Variants in FRMD4A observed in about 807,000 individuals in gnomAD.
FRMD4A encodes FERM domain containing 4A.
FRMD4A carries 29 observed loss-of-function variants against 129.1 expected under a neutral mutation model. That is an observed-to-expected ratio of 0.22 (90% CI 0.17 to 0.31). FRMD4A has a LOEUF of 0.31. FRMD4A is among the 10% of genes least tolerant of loss of function. The pLI, the probability that FRMD4A is intolerant of heterozygous loss-of-function variation, is 1.00. For missense variants in FRMD4A, 1,272 were observed against 1,375.8 expected (o/e 0.92, Z 1.19); for synonymous variants, 634 against 571.6 (o/e 1.11, Z -1.56).
intron 2 of FRMD4A, among the ~76,000 whole-genome samples, chr10:14,275,451 T>A (rs1845305049): frequency 6.6e-6 from 1 of 152,208 alleles, no homozygotes; most frequent in East Asian, 1.9e-4. Flanking sequence ...TGTGTTTCCA[T>A]AAGCACCCAC....
At chr10:13,703,231 C>T (rs1440649451) in intron 13 of FRMD4A, among the ~76,000 whole-genome samples, 1 of 152,108 alleles carries the variant, frequency 6.6e-6, no homozygotes, top group Admixed American at 6.5e-5. Flanking sequence ...CGGGTAGTTC[C>T]CCGGAGCATC....
chr10:13,823,248 C>T lies in FRMD4A; in HGVS notation c.112-12340G>A, dbSNP rs78276356. On this transcript the variant is annotated intron_variant, in intron 3 of 24. Transcript: ENST00000357447. ...GGGAGCCTGCTCTATTCATGATCCC[C>T]GGGGGACTCTGGGAGGCGGGCAGGT... 2.9e-3 allele frequency among the ~76,000 whole-genome samples: 442 copies of T among 152,236 alleles called. 1 individual carries two copies. The highest frequency in any genetic ancestry group is 0.01 in the African/African-American group (421 of 41,550).
chr10:14,027,275 A>T (rs1181094827), intron 2 of FRMD4A, among the ~76,000 whole-genome samples: 2 of 152,176 alleles, frequency 1.3e-5, no homozygotes, highest in East Asian at 1.9e-4. Flanking sequence ...GCCAAGAGAG[A>T]GTTGAGTCTC....
chr10:14,191,102 C>T (rs899799419), intron 2 of FRMD4A, among the ~76,000 whole-genome samples: 6 of 152,126 alleles, frequency 3.9e-5, no homozygotes, highest in African/African-American at 1.4e-4. Context: ...TATATGTTAA[C>T]CTGCACACTC....
At position 13,869,950 on chromosome 10, in the gene FRMD4A, G is replaced by A. The variant is rs145562222; in HGVS notation, c.46-11038C>T. On this transcript the variant is annotated intron_variant, in intron 2 of 24. Transcript: ENST00000357447. ...CTTTGGTTCTGCAACTGGAGCAACCGGAGTCTCTGAAGAGCTACAGAGCCT... is the reference window on the plus strand; with the variant it reads ...CTTTGGTTCTGCAACTGGAGCAACCAGAGTCTCTGAAGAGCTACAGAGCCT... 2.1e-3 allele frequency among the ~76,000 whole-genome samples: 319 copies of A among 152,322 alleles called. 1 individual carries two copies. The highest frequency in any genetic ancestry group is 7.4e-3 in the African/African-American group (306 of 41,568).
intron 6 of FRMD4A, among the ~76,000 whole-genome samples, chr10:13,771,562 T>C (rs991712284): frequency 2.0e-5 from 3 of 152,186 alleles, no homozygotes; most frequent in Non-Finnish European, 4.4e-5. Flanking sequence ...AAAAAATAAT[T>C]TTCTGAGCAT....
At chr10:13,936,948 T>G (rs755143063) in intron 2 of FRMD4A, among the ~76,000 whole-genome samples, 31 of 152,256 alleles carry the variant, frequency 2.0e-4, no homozygotes, top group Non-Finnish European at 2.5e-4. Flanking sequence ...TTTCTTTCTG[T>G]TGCTTCTGAT....
At chr10:14,300,885 G>T (rs1049349337) in intron 2 of FRMD4A, among the ~76,000 whole-genome samples, 2 of 152,116 alleles carry the variant, frequency 1.3e-5, no homozygotes, top group African/African-American at 2.4e-5. Context: ...TAGGACCCCT[G>T]GAATATCATG....
chr10:13,966,960 G>A (rs1462211382), intron 2 of FRMD4A, among the ~76,000 whole-genome samples: 1 of 152,208 alleles, frequency 6.6e-6, no homozygotes, highest in Non-Finnish European at 1.5e-5. Context: ...TATTCTAAGT[G>A]AAGTAACTCT....
intron 2 of FRMD4A, among the ~76,000 whole-genome samples, chr10:14,163,585 A>T (rs898472542): frequency 1.3e-5 from 2 of 152,208 alleles, no homozygotes; most frequent in African/African-American, 4.8e-5. Context: ...TGACAGAAGG[A>T]AACGTGTTTA....
chr10:14,254,108 C>G (rs1031806645), intron 2 of FRMD4A, among the ~76,000 whole-genome samples: 2 of 152,168 alleles, frequency 1.3e-5, no homozygotes, highest in Admixed American at 1.3e-4. Flanking sequence ...GTACAGGCCA[C>G]CCCTCCCCAC....
chr10:14,128,096 CTTT>C (rs779920657), intron 2 of FRMD4A, among the ~76,000 whole-genome samples: 1 of 50,072 alleles, frequency 2.0e-5, no homozygotes, highest in Admixed American at 2.3e-4. Context: ...TTCTTTCTTT[CTTT>C]CTTTCTTTTC....
intron 2 of FRMD4A, among the ~76,000 whole-genome samples, chr10:14,133,683 C>A (rs572186681): frequency 2.6e-5 from 4 of 152,336 alleles, no homozygotes; most frequent in African/African-American, 9.6e-5. Flanking sequence ...CTCCCATGTG[C>A]TATATCCTGT....
chr10:14,139,731 T>C (rs75011225), intron 2 of FRMD4A, among the ~76,000 whole-genome samples: 3,578 of 152,324 alleles, frequency 0.023, 65 homozygotes, highest in Non-Finnish European at 0.037. Context: ...ATTACAGACA[T>C]GAGTGACAGA....
At chr10:13,977,363 A>G (rs995866001) in intron 2 of FRMD4A, among the ~76,000 whole-genome samples, 3 of 152,164 alleles carry the variant, frequency 2.0e-5, no homozygotes, top group African/African-American at 7.2e-5. Flanking sequence ...CTTTCTTTCC[A>G]TCCACTGAAT....
intron 2 of FRMD4A, among the ~76,000 whole-genome samples, chr10:14,001,654 GC>G (rs1258280812): frequency 6.6e-6 from 1 of 152,198 alleles, no homozygotes; most frequent in Non-Finnish European, 1.5e-5. Context: ...ACTTAAAATT[GC>G]ACGGGCCTAA....
At chr10:14,034,843 T>C (rs2131666307) in intron 2 of FRMD4A, among the ~76,000 whole-genome samples, 1 of 152,312 alleles carries the variant, frequency 6.6e-6, no homozygotes, top group South Asian at 2.1e-4. Flanking sequence ...CTTTCTAATA[T>C]TACTGCAACA....
intron 14 of FRMD4A, among the ~76,000 whole-genome samples, chr10:13,695,376 G>A (rs1352631068): frequency 2.0e-5 from 3 of 152,120 alleles, no homozygotes; most frequent in African/African-American, 4.8e-5. Context: ...CCTGACCTCA[G>A]GTGATCCGCC....
At chr10:13,905,547 C>G (rs2094873020) in intron 2 of FRMD4A, among the ~76,000 whole-genome samples, 1 of 152,216 alleles carries the variant, frequency 6.6e-6, no homozygotes, top group African/African-American at 2.4e-5. Flanking sequence ...ATGGTTATAA[C>G]CTAAACTATT....
Sources: allele counts gnomAD v4.1 joint callset (sites outside exome capture counted in the v4.1 genomes callset), GRCh38; gene constraint gnomAD v4.1.1; transcripts MANE v1.5; gene names NCBI Gene and HGNC (gene_info 2026-07-23, HGNC 2026-07-21).